Variants in DDX1 observed in about 807,000 individuals in gnomAD.
DDX1 encodes DEAD-box helicase 1, also known as ATP-dependent RNA helicase DDX1.
Under a neutral mutation model 108.7 loss-of-function variants are expected in DDX1, and 28 were observed. That is an observed-to-expected ratio of 0.26 (90% CI 0.19 to 0.35). DDX1 has a LOEUF of 0.35. Ranked by LOEUF, DDX1 falls within the 10% of genes least tolerant of loss-of-function variation. The pLI, the probability that DDX1 is intolerant of heterozygous loss-of-function variation, is 1.00. For missense variants in DDX1, 710 were observed against 884.5 expected (o/e 0.80, Z 2.50); for synonymous variants, 295 against 288.9 (o/e 1.02, Z -0.21).
intron 18 of DDX1, among the ~76,000 whole-genome samples, chr2:15,623,227 A>C (rs1334596749): frequency 2.6e-5 from 4 of 152,110 alleles, no homozygotes; most frequent in Non-Finnish European, 4.4e-5. Flanking sequence ...AAAAAATATT[A>C]ACAGAAACAA....
At chr2:15,593,829 C>A (rs1665456686) in intron 1 of DDX1, among the ~76,000 whole-genome samples, 1 of 151,916 alleles carries the variant, frequency 6.6e-6, no homozygotes, top group Non-Finnish European at 1.5e-5. Flanking sequence ...GTAATCCCAG[C>A]ACTTTGGGAG....
rs573463128 is a variant in DDX1 at position 15,595,284 on chromosome 2, T to C, written c.68+88T>C. Reference sequence around the variant, plus strand: ...TGATTTTATCAAATATTTTTGTGTCTAGTTGGGTAAGTGAAAATCAGGTTT... The same window carrying C: ...TGATTTTATCAAATATTTTTGTGTCCAGTTGGGTAAGTGAAAATCAGGTTT... On this transcript the variant is annotated intron_variant, in intron 2 of 25. Transcript: ENST00000233084. 48 of 1,212,500 alleles carry C rather than the reference T, an allele frequency of 4.0e-5. No individual in the cohort carries two copies. The East Asian group carries it at 8.4e-4, about 21-fold the overall frequency. 75.1% of individuals were successfully genotyped at this position (1,212,500 alleles called of 1,614,324 possible). A position where few individuals can be genotyped will look rare whatever the true frequency, so the allele number is the denominator to read the frequency against.
chr2:15,612,412 G>A (rs1302797314), intron 13 of DDX1, among the ~76,000 whole-genome samples: 1 of 151,768 alleles, frequency 6.6e-6, no homozygotes, highest in African/African-American at 2.4e-5. Flanking sequence ...ATGGGATGGC[G>A]GCCGGGAAGA....
chr2:15,593,515 A>G (rs13412477), intron 1 of DDX1, among the ~76,000 whole-genome samples: 2,386 of 152,328 alleles, frequency 0.016, 59 homozygotes, highest in African/African-American at 0.05. Context: ...GAAAACTTGC[A>G]GGGAACATGA....
intron 6 of DDX1, 129 bp from the exon 7 acceptor site, chr2:15,602,419 C>G: frequency 3.0e-6 from 2 of 657,686 alleles, no homozygotes; most frequent in Non-Finnish European, 5.5e-6. Context: ...GTCTCTGGAA[C>G]ATTGCAACAA....
chr2:15,600,545 A>G (rs899034723), intron 6 of DDX1, among the ~76,000 whole-genome samples: 29 of 152,092 alleles, frequency 1.9e-4, no homozygotes, highest in African/African-American at 6.8e-4. Flanking sequence ...CACAGGTCTT[A>G]GAAGTACTTT....
intron 12 of DDX1, 23 bp downstream of exon 12, chr2:15,606,287 G>A: frequency 6.5e-7 from 1 of 1,531,146 alleles, no homozygotes; most frequent in Non-Finnish European, 9.0e-7. Context: ...CAAGGGTAAG[G>A]ATTTCTAGAA....
chr2:15,595,046 CT>C (rs1274952448), intron 1 of DDX1, 98 bp from the exon 2 acceptor site: 6 of 900,562 alleles, frequency 6.7e-6, no homozygotes, highest in Non-Finnish European at 1.0e-5. Context: ...CTGAGCTATC[CT>C]TCAAAATCTT....
chr2:15,620,741 A>G (rs538156048), intron 17 of DDX1, among the ~76,000 whole-genome samples: 5 of 152,212 alleles, frequency 3.3e-5, no homozygotes, highest in Non-Finnish European at 7.4e-5. Flanking sequence ...CTAAAAATCA[A>G]TTTCATGTGG....
chr2:15,629,573 T>G, intron 23 of DDX1, 29 bp from the exon 24 acceptor site: 3 of 1,480,006 alleles, frequency 2.0e-6, no homozygotes, highest in Non-Finnish European at 1.9e-6. Flanking sequence ...TCTCCATGCA[T>G]GTTAATATTT....
chr2:15,605,876 T>C, intron 10 of DDX1, 74 bp from the exon 11 acceptor site: 1 of 1,016,250 alleles, frequency 9.8e-7, no homozygotes, highest in Non-Finnish European at 1.4e-6. Flanking sequence ...GGTAAGCTGG[T>C]AGATTTGACA....
intron 16 of DDX1, among the ~76,000 whole-genome samples, chr2:15,619,636 G>T (rs544218642): frequency 1.3e-5 from 2 of 152,262 alleles, no homozygotes; most frequent in East Asian, 3.9e-4. Context: ...TTTGCTTTAC[G>T]TTACTGGACG....
At chr2:15,607,375 G>A in intron 13 of DDX1, 62 bp downstream of exon 13, 1 of 1,470,460 alleles carries the variant, frequency 6.8e-7, no homozygotes, top group South Asian at 1.2e-5. Context: ...TTTGGAAGAA[G>A]AATAAGGTAG....
In DDX1 at chr2:15,605,956, A is replaced by T. The variant is rs752422924; in HGVS notation, c.632A>T (p.Asp211Val). 34 of 1,564,760 alleles carry T rather than the reference A, an allele frequency of 2.2e-5. No individual in the cohort carries two copies. Among genetic ancestry groups the T allele is most frequent in the Non-Finnish European group, 2.8e-5 (33 of 1,160,980 alleles). Residue 211 changes from aspartate to valine, a missense_variant, in exon 11 of 26, where the codon GAT becomes GTT. Asp to Val is a radical substitution (Grantham distance 152, BLOSUM62 -3). This residue lies in a region of DDX1 where 661 missense variants were observed against 810.2 expected (regional missense o/e 0.82). Coordinates refer to ENST00000233084, the MANE Select transcript of DDX1 (RefSeq NM_004939.3). ...GHVKFSKNGK[D>V]LGLAFEIPPH... ...CTCTCTCTTGTTTTTTAAGGAAAAGATCTTGGTCTGGCATTTGAAATACCA... is the reference window on the plus strand; with the variant it reads ...CTCTCTCTTGTTTTTTAAGGAAAAGTTCTTGGTCTGGCATTTGAAATACCA...
intron 10 of DDX1, 26 bp from the exon 11 acceptor site, chr2:15,605,924 T>A (rs988955585): frequency 1.7e-6 from 2 of 1,162,206 alleles, no homozygotes; most frequent in Non-Finnish European, 2.4e-6. Flanking sequence ...ATTGTTTTAA[T>A]CTCTCTCTCT....
chr2:15,628,914 T>G (rs1232242102), intron 23 of DDX1, 75 bp downstream of exon 23: 19 of 1,421,930 alleles, frequency 1.3e-5, no homozygotes, highest in East Asian at 4.5e-5. Context: ...AGCAGTTTGA[T>G]TTTCCCATTT....
At position 15,629,611 on chromosome 2, in the gene DDX1, C is replaced by A; in HGVS notation, c.1885C>A (p.His629Asn). 6.3e-7 allele frequency: 1 copy of A among 1,591,870 alleles called. No homozygotes were observed. Among genetic ancestry groups the A allele is most frequent in the Non-Finnish European group, 8.5e-7 (1 of 1,172,500 alleles). The part of the protein sequence containing the change: ...VATEKEKVWY[H>N]VCSSRGKGCY... ...TCCTTTTTAAATTTAGGTTTGGTAC[C>A]ATGTATGTAGCAGCCGTGGAAAAGG... The change falls in exon 24 of 26, where the codon CAT (histidine) becomes AAT (asparagine). Residue 629 changes from histidine to asparagine, a missense_variant. By Grantham distance (68) the His-to-Asn change is moderately conservative. Transcript: ENST00000233084.
At chr2:15,597,326 G>T (rs753454310) in intron 4 of DDX1, 49 bp from the exon 5 acceptor site, 2 of 1,142,510 alleles carry the variant, frequency 1.8e-6, no homozygotes, top group Non-Finnish European at 2.6e-6. Flanking sequence ...TTATTAAATT[G>T]TCGTTAATAT....
chr2:15,614,078 C>G (rs1176692756), intron 14 of DDX1, among the ~76,000 whole-genome samples: 1 of 152,164 alleles, frequency 6.6e-6, no homozygotes, highest in Non-Finnish European at 1.5e-5. Context: ...GCCCTGGCCT[C>G]CCAAAGTGCT....
Sources: allele counts gnomAD v4.1 joint callset (sites outside exome capture counted in the v4.1 genomes callset), GRCh38; gene constraint gnomAD v4.1.1; regional missense constraint gnomAD v4.1.1; transcripts MANE v1.5; gene names NCBI Gene and HGNC (gene_info 2026-07-23, HGNC 2026-07-21).